The following SIM2 variants were observed in gnomAD, a reference collection of about 807,000 sequenced individuals.
The protein encoded by SIM2 is single-minded homolog 2.
Under a neutral mutation model 64.8 loss-of-function variants are expected in SIM2, and 28 were observed. The ratio of observed to expected loss-of-function variants is 0.43; its 90% CI spans 0.32 to 0.59. The LOEUF (loss-of-function observed/expected upper bound fraction) is 0.59. SIM2 is among the 20% of genes least tolerant of loss of function. The pLI is 0.07. For missense variants in SIM2, 847 were observed against 871.4 expected (o/e 0.97, Z 0.35); for synonymous variants, 408 against 391.1 (o/e 1.04, Z -0.51).
Position 36,748,015 on chromosome 21 carries a change from C to T in SIM2, c.1927C>T (p.Pro643Ser). The T allele has an allele frequency of 8.6e-7, 1 of 1,157,540 alleles. No individual in the cohort carries two copies. Among genetic ancestry groups the T allele is most frequent in the Non-Finnish European group, 1.1e-6 (1 of 941,258 alleles). 71.7% of individuals were successfully genotyped at this position (1,157,540 alleles called of 1,614,324 possible). A position where few individuals can be genotyped will look rare whatever the true frequency, so the allele number is the denominator to read the frequency against. The change falls in exon 11 of 11, where the codon CCC (proline) becomes TCC (serine). Residue 643 changes from proline to serine, a missense_variant. By Grantham distance (74) the Pro-to-Ser change is moderately conservative (BLOSUM62 -1). Coordinates refer to ENST00000290399, the MANE Select transcript of SIM2 (RefSeq NM_005069.6). ...CGCGCTGCGGCTCCGGCACCCGAGC[C>T]CCGCCGCCACCTCCCCGCCCGGCGC... The part of the protein sequence containing the change: ...TGALRLRHPS[P>S]AATSPPGAPL...
At chr21:36,735,695 ACTGT>A (rs2089036143) in intron 7 of SIM2, among the ~76,000 whole-genome samples, 1 of 152,098 alleles carries the variant, frequency 6.6e-6, no homozygotes, top group Non-Finnish European at 1.5e-5. Context: ...GGACTTGGGG[ACTGT>A]CTTAGTGTCC....
chr21:36,725,771 C>A (rs2088881698), intron 5 of SIM2, among the ~76,000 whole-genome samples: 1 of 152,156 alleles, frequency 6.6e-6, no homozygotes, highest in East Asian at 1.9e-4. Context: ...TAGGCATGCA[C>A]CACCATGCCC....
rs530323551 is a variant in SIM2, at chr21:36,745,556, C to T, written c.1576+420C>T. On this transcript the variant is annotated intron_variant, in intron 10 of 10. Coordinates refer to ENST00000290399, the MANE Select transcript of SIM2 (RefSeq NM_005069.6). This position sits in a 1 kb window ranked among gnomAD's most constrained non-coding sequence, Gnocchi z 4.8. ...GACAAACGGCCTATTGGCTATTTTC[C>T]CATGCCAGTTTTGGAAGTGGGGAAA... is the stretch of plus-strand genomic sequence containing the variant. 55 of 1,114,046 alleles carry T rather than the reference C, an allele frequency of 4.9e-5. 1 individual carries two copies. The South Asian group carries it at 1.1e-3, about 23-fold the overall frequency. The allele number at this position is 1,114,046 out of a possible 1,614,324, so 69.0% of individuals were successfully genotyped here. A position where few individuals can be genotyped will look rare whatever the true frequency, so the allele number is the denominator to read the frequency against.
intron 1 of SIM2, among the ~76,000 whole-genome samples, chr21:36,705,950 C>G (rs1033129244): frequency 3.0e-4 from 45 of 152,230 alleles, no homozygotes; most frequent in Middle Eastern, 3.2e-3. Flanking sequence ...CCTGCCACCA[C>G]CCAGAGGAAG....
chr21:36,735,636 C>T (rs532454577), intron 7 of SIM2, among the ~76,000 whole-genome samples: 31 of 152,202 alleles, frequency 2.0e-4, no homozygotes, highest in Non-Finnish European at 4.1e-4. Flanking sequence ...AACCAAGGGA[C>T]CTCAGGTCTG....
At chr21:36,744,694 C>T (rs371826077) in intron 9 of SIM2, 34 bp from the exon 10 acceptor site, 23 of 1,533,092 alleles carry the variant, frequency 1.5e-5, no homozygotes, top group African/African-American at 1.2e-4. Flanking sequence ...GCCGGCCCCT[C>T]GCTGGCCCTT....
At chr21:36,746,848 T>G (rs2089233731) in intron 10 of SIM2, among the ~76,000 whole-genome samples, 1 of 152,250 alleles carries the variant, frequency 6.6e-6, no homozygotes, top group African/African-American at 2.4e-5. Flanking sequence ...GGAAGCTGGC[T>G]AATGCTGTCA....
rs200483038 is a variant in SIM2, at chr21:36,741,848, G to T, written c.982G>T (p.Val328Phe). ...GTCCCGGCCCCACTGCATCGTGAGT[G>T]TCAATTATGTACTCACGTAAGTCAC... ...RSSRPHCIVS[V>F]NYVLTEIEYK... The change falls in exon 8 of 11, where the codon GTC becomes TTC. Residue 328 changes from valine to phenylalanine, a missense_variant. Transcript: ENST00000290399. 51 of 1,595,986 alleles carry T rather than the reference G, an allele frequency of 3.2e-5. No homozygotes were observed. The East Asian group carries it at 1.1e-3, about 35-fold the overall frequency.
intron 7 of SIM2, among the ~76,000 whole-genome samples, chr21:36,737,527 C>T (rs967396907): frequency 6.6e-6 from 1 of 152,188 alleles, no homozygotes; most frequent in African/African-American, 2.4e-5. Flanking sequence ...GTAAACCTGA[C>T]AGTTTGTGTC....
chr21:36,727,701 G>T (rs147254941), intron 6 of SIM2, among the ~76,000 whole-genome samples: 2 of 152,170 alleles, frequency 1.3e-5, no homozygotes, highest in African/African-American at 2.4e-5. Flanking sequence ...GTGTGTGTGC[G>T]ATGAGTCTTT....
intron 9 of SIM2, 82 bp downstream of exon 9, chr21:36,743,637 A>G: frequency 7.6e-7 from 1 of 1,321,532 alleles, no homozygotes; most frequent in Non-Finnish European, 1.1e-6. Flanking sequence ...AGGAATGGGG[A>G]GCCTCTCATT....
intron 3 of SIM2, among the ~76,000 whole-genome samples, chr21:36,713,890 C>A (rs561002477): frequency 6.6e-6 from 1 of 152,354 alleles, no homozygotes; most frequent in East Asian, 1.9e-4. Context: ...GGAAGTTTTT[C>A]TCTTCCTCTT....
At chr21:36,731,284 A>T in intron 7 of SIM2, 133 bp downstream of exon 7, 1 of 635,840 alleles carries the variant, frequency 1.6e-6, no homozygotes, top group Non-Finnish European at 2.7e-6. Context: ...TCAAGCCCCA[A>T]GTGTGGCTTC....
chr21:36,713,542 C>T (rs997530128), intron 3 of SIM2, among the ~76,000 whole-genome samples: 19 of 152,158 alleles, frequency 1.2e-4, no homozygotes, highest in African/African-American at 4.3e-4. Context: ...TGACTGAAGA[C>T]ACACTAGAAT....
intron 1 of SIM2, 103 bp from the exon 2 acceptor site, chr21:36,709,065 T>TG: frequency 1.0e-6 from 1 of 979,064 alleles, no homozygotes; most frequent in Non-Finnish European, 1.5e-6. Flanking sequence ...GCGGGACTCG[T>TG]GGGGAGGGCT....
At position 36,739,226 on chromosome 21, in the gene SIM2, T is replaced by G. The variant is rs112696654; in HGVS notation, c.851-2491T>G. 8.8e-3 allele frequency among the ~76,000 whole-genome samples: 1,339 copies of G among 152,336 alleles called. 17 individuals carry two copies. The highest frequency in any genetic ancestry group is 0.03 in the African/African-American group (1,237 of 41,568). On this transcript the variant is annotated intron_variant, in intron 7 of 10. Transcript: ENST00000290399. Reference sequence around the variant, plus strand: ...GTTCTAAATCCTCAAATAGATCATCTAATCTTTCAACAACCATATGAAGTA... The same window carrying G: ...GTTCTAAATCCTCAAATAGATCATCGAATCTTTCAACAACCATATGAAGTA...
chr21:36,714,689 T>G (rs2088721200), intron 3 of SIM2, among the ~76,000 whole-genome samples: 1 of 152,216 alleles, frequency 6.6e-6, no homozygotes. Flanking sequence ...GGAGGTACTG[T>G]GCACATCCCA....
intron 5 of SIM2, among the ~76,000 whole-genome samples, chr21:36,725,756 G>T (rs1035585708): frequency 6.6e-6 from 1 of 152,108 alleles, no homozygotes. Context: ...AGTAGCTGGA[G>T]ACTATAGGCA....
At chr21:36,705,429 C>G (rs1402925681) in intron 1 of SIM2, among the ~76,000 whole-genome samples, 2 of 152,246 alleles carry the variant, frequency 1.3e-5, no homozygotes, top group Admixed American at 6.5e-5. Flanking sequence ...CCAGCTCCCC[C>G]TGGGGCGGGT....
Sources: allele counts gnomAD v4.1 joint callset (sites outside exome capture counted in the v4.1 genomes callset), GRCh38; gene constraint gnomAD v4.1.1; non-coding constraint Gnocchi (gnomAD v3.1); transcripts MANE v1.5; gene names NCBI Gene and HGNC (gene_info 2026-07-23, HGNC 2026-07-21).